IFT27: variants seen among roughly 807,000 people sequenced by gnomAD.
IFT27 encodes the protein intraflagellar transport protein 27 homolog.
Under a neutral mutation model 23.9 loss-of-function variants are expected in IFT27, and 19 were observed. The observed-to-expected ratio is 0.79, with a 90% confidence interval of 0.55 to 1.16. The LOEUF (loss-of-function observed/expected upper bound fraction) is 1.16. Ranked by LOEUF, IFT27 falls within the 50% of genes most tolerant of loss-of-function variation. IFT27 has a pLI of 0.00. For synonymous variants in IFT27, 91 were observed against 89.1 expected (o/e 1.02, Z -0.12); for missense variants, 206 against 228.7 (o/e 0.90, Z 0.64).
intron 1 of IFT27, among the ~76,000 whole-genome samples, chr22:36,773,185 C>T (rs1938425850): frequency 6.6e-6 from 1 of 151,392 alleles, no homozygotes; most frequent in Admixed American, 6.6e-5. Context: ...CTGGTGAAAC[C>T]CCATCTCTAC....
At chr22:36,768,372 T>C in intron 1 of IFT27, 1 of 309,300 alleles carries the variant, frequency 3.2e-6, no homozygotes, top group Non-Finnish European at 6.4e-6. Context: ...AAGCAAGAAG[T>C]CTGAGGCTGT....
At chr22:36,767,942 A>G in intron 1 of IFT27, 80 bp from the exon 2 acceptor site, 4 of 1,295,348 alleles carry the variant, frequency 3.1e-6, no homozygotes, top group Non-Finnish European at 4.5e-6. Flanking sequence ...ACATTAGTCT[A>G]GAAACCAAAA....
chr22:36,774,493 G>A (rs1235119574), intron 1 of IFT27, among the ~76,000 whole-genome samples: 2 of 152,164 alleles, frequency 1.3e-5, no homozygotes, highest in Non-Finnish European at 2.9e-5. Flanking sequence ...ACATCTCTCA[G>A]TGCCTCAGTA....
At chr22:36,774,590 C>T (rs1342079408) in intron 1 of IFT27, among the ~76,000 whole-genome samples, 2 of 152,092 alleles carry the variant, frequency 1.3e-5, no homozygotes, top group African/African-American at 4.8e-5. Context: ...GGTGGATCAC[C>T]TGAAGTCAGG....
At position 36,775,809 on chromosome 22, in the gene IFT27, T is replaced by TG; in HGVS notation, c.-103dup. On this transcript the variant is annotated 5_prime_UTR_variant, in exon 1 of 7. Transcript: ENST00000433985. ...CCTGGGCTGGCCTGGGACGGGAAGG[T>TG]GGGGAGGGGAGGGCTGATCTCAAGG... 2 of 1,060,970 alleles carry TG rather than the reference T, an allele frequency of 1.9e-6. No homozygotes were observed. The highest frequency in any genetic ancestry group is 3.4e-5 in the East Asian group (1 of 29,116). 65.7% of individuals were successfully genotyped at this position (1,060,970 alleles called of 1,614,324 possible). A position where few individuals can be genotyped will look rare whatever the true frequency, so the allele number is the denominator to read the frequency against.
intron 1 of IFT27, among the ~76,000 whole-genome samples, chr22:36,773,888 A>G (rs1390140403): frequency 6.6e-6 from 1 of 152,214 alleles, no homozygotes; most frequent in Admixed American, 6.5e-5. Context: ...TGAGGATTCA[A>G]TGAGACCACC....
intron 5 of IFT27, 138 bp from the exon 6 acceptor site, chr22:36,763,151 A>C: frequency 1.9e-6 from 1 of 531,192 alleles, no homozygotes; most frequent in Non-Finnish European, 3.2e-6. Flanking sequence ...GAGCCCCCCC[A>C]CAGGGAAAGC....
intron 1 of IFT27, among the ~76,000 whole-genome samples, chr22:36,774,121 C>T (rs1164780490): frequency 6.6e-6 from 1 of 152,216 alleles, no homozygotes; most frequent in African/African-American, 2.4e-5. Flanking sequence ...ACTTTTGTTA[C>T]ACAACACTGC....
chr22:36,765,027 C>G (rs1938209379), intron 4 of IFT27, among the ~76,000 whole-genome samples: 1 of 152,196 alleles, frequency 6.6e-6, no homozygotes, highest in Non-Finnish European at 1.5e-5. Flanking sequence ...AGATTCCACT[C>G]TGGAGGGCTC....
chr22:36,766,951 C>A, intron 3 of IFT27: 1 of 166,294 alleles, frequency 6.0e-6, no homozygotes, highest in Non-Finnish European at 1.3e-5. Flanking sequence ...TCTCGCAGAC[C>A]TCTTTAGGAA....
chr22:36,775,072 G>C (rs149788368), intron 1 of IFT27, among the ~76,000 whole-genome samples: 1 of 152,318 alleles, frequency 6.6e-6, no homozygotes, highest in African/African-American at 2.4e-5. Flanking sequence ...TCCAGGCATT[G>C]TTCTGGGTGC....
At chr22:36,762,754 A>G (rs1938124876) in intron 6 of IFT27, 150 bp downstream of exon 6, 2 of 465,944 alleles carry the variant, frequency 4.3e-6, no homozygotes, top group Non-Finnish European at 7.7e-6. Context: ...TATACTGAGA[A>G]GAGATCTCGG....
chr22:36,774,520 G>C (rs943096880), intron 1 of IFT27, among the ~76,000 whole-genome samples: 17 of 152,170 alleles, frequency 1.1e-4, no homozygotes, highest in African/African-American at 4.1e-4. Flanking sequence ...GAACAATCCA[G>C]TACCTGGCCG....
At chr22:36,764,379 A>G (rs548513026) in intron 4 of IFT27, among the ~76,000 whole-genome samples, 90 of 152,380 alleles carry the variant, frequency 5.9e-4, no homozygotes, top group African/African-American at 2.1e-3. Flanking sequence ...CAGGGAGGGT[A>G]AGTGACTTGT....
At chr22:36,774,557 C>T (rs1047304991) in intron 1 of IFT27, among the ~76,000 whole-genome samples, 4 of 152,178 alleles carry the variant, frequency 2.6e-5, no homozygotes, top group African/African-American at 7.2e-5. Flanking sequence ...CCTGTAATCC[C>T]AGCACTTTGG....
At chr22:36,761,671 C>T (rs956627982) in intron 6 of IFT27, 2 of 152,220 alleles carry the variant, frequency 1.3e-5, no homozygotes, top group Admixed American at 6.5e-5. Flanking sequence ...CCTCACTTTA[C>T]AAGCCTGAGC....
At chr22:36,765,214 T>G (rs1297493197) in intron 4 of IFT27, among the ~76,000 whole-genome samples, 1 of 152,166 alleles carries the variant, frequency 6.6e-6, no homozygotes, top group Non-Finnish European at 1.5e-5. Flanking sequence ...CAAGAAATCC[T>G]CCTTCTTCCA....
intron 1 of IFT27, chr22:36,768,091 C>T (rs1222376865): frequency 1.5e-6 from 1 of 656,342 alleles, no homozygotes; most frequent in Non-Finnish European, 2.9e-6. Context: ...AGCCTTTTAT[C>T]CACAGGAACT....
chr22:36,769,123 A>C (rs1250616513), intron 1 of IFT27, among the ~76,000 whole-genome samples: 1 of 152,168 alleles, frequency 6.6e-6, no homozygotes, highest in Non-Finnish European at 1.5e-5. Context: ...TGAGTGAGCT[A>C]TTCAGGTCCT....
Sources: allele counts gnomAD v4.1 joint callset (sites outside exome capture counted in the v4.1 genomes callset), GRCh38; gene constraint gnomAD v4.1.1; transcripts MANE v1.5; gene names NCBI Gene and HGNC (gene_info 2026-07-23, HGNC 2026-07-21).